VPS33A: variants seen among roughly 807,000 people sequenced by gnomAD.
VPS33A encodes the protein vacuolar protein sorting-associated protein 33A.
In VPS33A, 32 loss-of-function variants were observed where a neutral mutation model predicts 71.8. That is an observed-to-expected ratio of 0.45 (90% CI 0.34 to 0.60). VPS33A has a LOEUF of 0.60. Among genes scored for constraint, VPS33A ranks in the 20% least tolerant of loss-of-function variants. VPS33A has a pLI of 0.02. For synonymous variants in VPS33A, 311 were observed against 292.7 expected, an observed-to-expected ratio of 1.06 and a Z score of -0.64; for missense variants, 625 against 748.5, an observed-to-expected ratio of 0.84 and a Z score of 1.92.
At chr12:122,252,440 T>C (rs181875844) in intron 4 of VPS33A, among the ~76,000 whole-genome samples, 122 of 152,092 alleles carry the variant, frequency 8.0e-4, no homozygotes, top group Non-Finnish European at 1.5e-3. Context: ...GGCTAATTTT[T>C]TTGTATTTCT....
intron 10 of VPS33A, among the ~76,000 whole-genome samples, chr12:122,237,929 C>T (rs1192795122): frequency 6.6e-6 from 1 of 151,920 alleles, no homozygotes; most frequent in Non-Finnish European, 1.5e-5. Context: ...GGACTGCAGA[C>T]ACAGCCACCA....
At chr12:122,241,268 T>G (rs1336301928) in intron 8 of VPS33A, 4 of 152,156 alleles carry the variant, frequency 2.6e-5, no homozygotes, top group Non-Finnish European at 5.9e-5. Context: ...ATGAAAAAAT[T>G]TGAGTTAAAA....
chr12:122,261,118 A>T, intron 4 of VPS33A, 143 bp downstream of exon 4: 1 of 671,476 alleles, frequency 1.5e-6, no homozygotes, highest in Non-Finnish European at 2.3e-6. Flanking sequence ...AAAGAAAATG[A>T]ACAATTTGTT....
intron 4 of VPS33A, among the ~76,000 whole-genome samples, chr12:122,255,703 G>A (rs1486282608): frequency 5.5e-5 from 4 of 73,304 alleles, no homozygotes; most frequent in Admixed American, 4.2e-4. Context: ...GTGAGACTCC[G>A]TCTCAAAAAA....
chr12:122,240,677 C>T (rs1280928008), intron 8 of VPS33A, among the ~76,000 whole-genome samples: 2 of 152,212 alleles, frequency 1.3e-5, no homozygotes, highest in East Asian at 3.9e-4. Context: ...AAAACAATCT[C>T]CTACTCAGCT....
At chr12:122,236,055 T>C (rs1359097259) in intron 10 of VPS33A, 132 bp from the exon 11 acceptor site, 1 of 1,131,210 alleles carries the variant, frequency 8.8e-7, no homozygotes, top group Non-Finnish European at 1.2e-6. Flanking sequence ...GCAATGTTAG[T>C]GGATGGGCAC....
chr12:122,242,199 T>C (rs898270248), intron 8 of VPS33A, among the ~76,000 whole-genome samples, 183 bp downstream of exon 8: 45 of 152,102 alleles, frequency 3.0e-4, no homozygotes, highest in African/African-American at 1.0e-3. Context: ...TGAGCCACCA[T>C]GCCCCGCCTG....
chr12:122,247,823 GT>G (rs1369401840), intron 6 of VPS33A, among the ~76,000 whole-genome samples: 1 of 152,038 alleles, frequency 6.6e-6, no homozygotes, highest in East Asian at 1.9e-4. Context: ...CCACGAGTCC[GT>G]TTCCCTCTGA....
At position 122,229,588 on chromosome 12, in the gene VPS33A, G is replaced by C. The variant is rs1954533419; in HGVS notation, c.*2658C>G. ...GTGTCTGTGTAGACTTCTTTATTAA[G>C]GGGGCTGCTGGTGTAGAACTGTCTA... On this transcript the variant is annotated 3_prime_UTR_variant, in exon 13 of 13. Transcript: ENST00000267199. 1 of 152,078 alleles carries C rather than the reference G, an allele frequency of 6.6e-6. No individual in the cohort carries two copies. Among genetic ancestry groups the C allele is most frequent in the South Asian group, 2.1e-4 (1 of 4,832 alleles). 9.4% of individuals were successfully genotyped at this position (152,078 alleles called of 1,614,324 possible). A position where few individuals can be genotyped will look rare whatever the true frequency, so the allele number is the denominator to read the frequency against.
At chr12:122,235,492 G>A (rs1438807127) in intron 11 of VPS33A, among the ~76,000 whole-genome samples, 31 of 151,924 alleles carry the variant, frequency 2.0e-4, no homozygotes, top group Non-Finnish European at 5.9e-5. Flanking sequence ...TCAAACTCCT[G>A]AGCTCAAGTG....
At position 122,249,872 on chromosome 12, in the gene VPS33A, G is replaced by C; in HGVS notation, c.774C>G (p.Asn258Lys). 1 of 1,612,728 alleles carries C rather than the reference G, an allele frequency of 6.2e-7. No individual in the cohort carries two copies. The highest frequency in any genetic ancestry group is 8.5e-7 in the Non-Finnish European group (1 of 1,179,580). The change falls in exon 6 of 13, where the codon AAC becomes AAG. Residue 258 changes from asparagine to lysine, a missense_variant and splice_region_variant. By Grantham distance (94) the Asn-to-Lys change is moderately conservative. Coordinates refer to ENST00000267199, the MANE Select transcript of VPS33A (RefSeq NM_022916.6). Reference protein sequence around the residue: ...GLIDEIYGIQNSYVKLPPEKF... With the variant: ...GLIDEIYGIQKSYVKLPPEKF... ...TGAAAACAGATGTCATGTACTTACT[G>C]TTCTGAATGCCATAAATTTCATCAA...
chr12:122,250,982 C>T lies in VPS33A; in HGVS notation c.600+1G>A. 6.2e-7 allele frequency: 1 copy of T among 1,612,862 alleles called. No individual in the cohort carries two copies. Among genetic ancestry groups the T allele is most frequent in the Non-Finnish European group, 8.5e-7 (1 of 1,178,904 alleles). On this transcript the variant is annotated splice_donor_variant, in intron 5 of 12. Coordinates refer to ENST00000267199, the MANE Select transcript of VPS33A (RefSeq NM_022916.6). LOFTEE classifies it high-confidence loss of function. ...ACCACCACAAAGCAGCCGGTTCTCA[C>T]CCGAGCGCATTCTCCTTTCCCAAAG... is the stretch of plus-strand genomic sequence containing the variant.
Position 122,239,861 on chromosome 12 carries a change from T to G in VPS33A, c.1164+17A>C, listed in dbSNP as rs2136127702. On this transcript the variant is annotated intron_variant, in intron 9 of 12. Coordinates refer to ENST00000267199, the MANE Select transcript of VPS33A (RefSeq NM_022916.6). ...AGCTTTCAATTACTTGTTAAAGAGGTTTTTTTGTCCACATACCTTATCAGT... is the reference window on the plus strand; with the variant it reads ...AGCTTTCAATTACTTGTTAAAGAGGGTTTTTTGTCCACATACCTTATCAGT... The G allele has an allele frequency of 2.5e-6, 4 of 1,593,834 alleles. No homozygotes were observed. In the South Asian group the frequency reaches 4.5e-5, roughly 18 times the overall value.
intron 1 of VPS33A, among the ~76,000 whole-genome samples, chr12:122,264,462 C>T (rs768130864): frequency 2.0e-5 from 3 of 152,116 alleles, no homozygotes; most frequent in Admixed American, 6.6e-5. Context: ...GTGATATCAG[C>T]GTACTGCAAC....
intron 11 of VPS33A, 150 bp downstream of exon 11, chr12:122,235,636 G>GATACA: frequency 9.9e-7 from 1 of 1,007,072 alleles, no homozygotes; most frequent in East Asian, 2.7e-5. Context: ...GATTCTGATG[G>GATACA]ATACAATACA....
At chr12:122,258,130 C>A (rs913946024) in intron 4 of VPS33A, among the ~76,000 whole-genome samples, 2 of 152,024 alleles carry the variant, frequency 1.3e-5, no homozygotes, top group Non-Finnish European at 2.9e-5. Context: ...TGGGTCACAC[C>A]TGTAATCCCA....
rs897406873 is a variant in VPS33A, at chr12:122,249,885, T to A, written c.761A>T (p.Tyr254Phe). Residue 254 changes from tyrosine (Y) to phenylalanine (F), a missense_variant, in exon 6 of 13, where the codon TAT becomes TTT. Transcript: ENST00000267199. ...LTYEGLIDEI[Y>F]GIQNSYVKLP... ...CATGTACTTACTGTTCTGAATGCCA[T>A]AAATTTCATCAATGAGTCCTTCATA... is the stretch of plus-strand genomic sequence containing the variant. 1 of 1,613,426 alleles carries A rather than the reference T, an allele frequency of 6.2e-7. No individual in the cohort carries two copies.
chr12:122,255,431 C>T lies in VPS33A; in HGVS notation c.484-4332G>A, dbSNP rs114932978. Among the ~76,000 whole-genome samples, 383 of 152,254 alleles carry T rather than the reference C, an allele frequency of 2.5e-3. 2 individuals are homozygous for T. Among genetic ancestry groups the T allele is most frequent in the African/African-American group, 8.8e-3 (367 of 41,548 alleles). On this transcript the variant is annotated intron_variant, in intron 4 of 12. Transcript: ENST00000267199. ...GTACAAAAGAGCCAAGAGGGTTGGG[C>T]GCAATGGCCCACGCCTGTAATCCCA...
intron 6 of VPS33A, chr12:122,249,335 A>G (rs1342951601): frequency 6.6e-6 from 1 of 152,022 alleles, no homozygotes; most frequent in African/African-American, 2.4e-5. Context: ...CAATTCCTCC[A>G]TATCAGCCTC....
Sources: gnomAD v4.1 joint callset for allele counts (sites outside exome capture counted in the v4.1 genomes callset) on GRCh38, gnomAD v4.1.1 for gene constraint, MANE v1.5 for transcripts, NCBI Gene and HGNC (gene_info 2026-07-23, HGNC 2026-07-21) for gene names.